CCNY: variants seen among roughly 807,000 people sequenced by gnomAD.
The protein encoded by CCNY is cyclin Y, also known as cyclin-Y.
In CCNY, 19 loss-of-function variants were observed where a neutral mutation model predicts 42.8. That is an observed-to-expected ratio of 0.44 (90% CI 0.31 to 0.65). The LOEUF is 0.65. Ranked by LOEUF, CCNY falls within the 30% of genes least tolerant of loss-of-function variation. CCNY has a pLI of 0.07. For missense variants in CCNY, 370 were observed against 437.3 expected (o/e 0.85, Z 1.37); for synonymous variants, 165 against 162.7 (o/e 1.01, Z -0.11).
intron 1 of CCNY, among the ~76,000 whole-genome samples, chr10:35,378,821 G>A (rs1051115914): frequency 2.6e-5 from 4 of 152,190 alleles, no homozygotes; most frequent in Non-Finnish European, 4.4e-5. Context: ...CAGTGGAATT[G>A]TCTAGAGTCA....
intron 3 of CCNY, among the ~76,000 whole-genome samples, chr10:35,310,729 A>C (rs1286061626): frequency 6.6e-6 from 1 of 152,152 alleles, no homozygotes; most frequent in African/African-American, 2.4e-5. Flanking sequence ...TAGCCTTTGT[A>C]GTGTGATTAC....
intron 1 of CCNY, among the ~76,000 whole-genome samples, chr10:35,413,540 GCAGAGT>G (rs971233094): frequency 2.7e-4 from 41 of 152,216 alleles, no homozygotes; most frequent in Non-Finnish European, 8.8e-5. Context: ...GGGTGAAATT[GCAGAGT>G]CAGACTGTAA....
upstream of CCNY, among the ~76,000 whole-genome samples, chr10:35,333,414 C>T (rs988476203): frequency 6.6e-6 from 1 of 152,188 alleles, no homozygotes. Flanking sequence ...AGGCTCCCCT[C>T]ATCCCTTTCT....
chr10:35,453,405 A>G (rs1300712733), intron 1 of CCNY, among the ~76,000 whole-genome samples: 1 of 152,176 alleles, frequency 6.6e-6, no homozygotes, highest in Non-Finnish European at 1.5e-5. Flanking sequence ...TACTAGACAT[A>G]TAGGTTGTTG....
At chr10:35,536,902 G>T (rs933858878) in intron 7 of CCNY, among the ~76,000 whole-genome samples, 11 of 152,202 alleles carry the variant, frequency 7.2e-5, no homozygotes, top group Non-Finnish European at 1.5e-4. Flanking sequence ...AGAAATTCAT[G>T]CAGGCTGCAG....
At chr10:35,252,489 C>T (rs543208465) in intron 3 of CCNY, among the ~76,000 whole-genome samples, 1 of 147,696 alleles carries the variant, frequency 6.8e-6, no homozygotes, top group South Asian at 2.1e-4. Flanking sequence ...TGGCGTGAAC[C>T]TGGGAAGCGG....
chr10:35,457,382 G>A (rs867445607), intron 1 of CCNY, among the ~76,000 whole-genome samples: 1 of 152,100 alleles, frequency 6.6e-6, no homozygotes, highest in African/African-American at 2.4e-5. Context: ...GGTCTCTCTC[G>A]TGTGTACACC....
chr10:35,394,707 C>T (rs1488933459), intron 1 of CCNY: 1 of 234,582 alleles, frequency 4.3e-6, no homozygotes, highest in Admixed American at 6.5e-5. Context: ...CATCTTGTGC[C>T]TTTTAGTTCA....
chr10:35,391,348 A>C (rs981971486), intron 1 of CCNY, among the ~76,000 whole-genome samples: 1 of 152,160 alleles, frequency 6.6e-6, no homozygotes, highest in African/African-American at 2.4e-5. Flanking sequence ...TTTGGCGGGA[A>C]GGCCAGTTAA....
intron 1 of CCNY, among the ~76,000 whole-genome samples, chr10:35,401,155 C>G (rs940936680): frequency 2.6e-5 from 4 of 152,234 alleles, no homozygotes; most frequent in African/African-American, 9.6e-5. Context: ...ATACTGAGCT[C>G]TGTGTGCTTA....
At chr10:35,396,777 G>C (rs1442251410) in intron 1 of CCNY, among the ~76,000 whole-genome samples, 1 of 152,192 alleles carries the variant, frequency 6.6e-6, no homozygotes, top group Non-Finnish European at 1.5e-5. Flanking sequence ...CTGTGTCCCA[G>C]TGCCCCTGCA....
chr10:35,415,660 G>T (rs542912852), intron 1 of CCNY, among the ~76,000 whole-genome samples: 3 of 152,318 alleles, frequency 2.0e-5, no homozygotes, highest in South Asian at 2.1e-4. Flanking sequence ...GACAAGAAAG[G>T]ATGCGAGTCG....
chr10:35,405,572 T>G (rs1837740157), intron 1 of CCNY, among the ~76,000 whole-genome samples: 1 of 151,996 alleles, frequency 6.6e-6, no homozygotes, highest in Non-Finnish European at 1.5e-5. Flanking sequence ...TTGGGGAGTT[T>G]TAAGGGGTTT....
At chr10:35,514,895 A>C (rs1840397742) in intron 3 of CCNY, among the ~76,000 whole-genome samples, 1 of 152,246 alleles carries the variant, frequency 6.6e-6, no homozygotes, top group African/African-American at 2.4e-5. Flanking sequence ...TTACATCTGT[A>C]GGAAAAATTC....
At chr10:35,474,618 A>G (rs941970837) in intron 1 of CCNY, among the ~76,000 whole-genome samples, 2 of 152,288 alleles carry the variant, frequency 1.3e-5, no homozygotes, top group African/African-American at 4.8e-5. Context: ...AACAAACAGA[A>G]AAGACATCCA....
chr10:35,561,963 C>G (rs930858971), intron 8 of CCNY, among the ~76,000 whole-genome samples: 1 of 152,218 alleles, frequency 6.6e-6, no homozygotes, highest in Non-Finnish European at 1.5e-5. Context: ...CAAGGGCCAG[C>G]CTTTCTCCCA....
At chr10:35,501,227 G>A (rs1840104180) in intron 2 of CCNY, among the ~76,000 whole-genome samples, 1 of 152,132 alleles carries the variant, frequency 6.6e-6, no homozygotes. Flanking sequence ...TTTTTATTCA[G>A]TTAATGGAAA....
chr10:35,403,654 A>G (rs11813231), intron 1 of CCNY, among the ~76,000 whole-genome samples: 2,914 of 152,322 alleles, frequency 0.019, 42 homozygotes, highest in Middle Eastern at 0.048. Context: ...TTCAGCCCAT[A>G]TAACAGCATG....
At chr10:35,327,566 T>C in intron 3 of CCNY, 1 of 152,218 alleles carries the variant, frequency 6.6e-6, no homozygotes. Flanking sequence ...AGTAGATGTA[T>C]TTTTACTTCC....
Sources: allele counts gnomAD v4.1 joint callset (sites outside exome capture counted in the v4.1 genomes callset), GRCh38; gene constraint gnomAD v4.1.1; transcripts MANE v1.5; gene names NCBI Gene and HGNC (gene_info 2026-07-23, HGNC 2026-07-21).